Variants in CTNNA3 observed in about 807,000 individuals in gnomAD.
CTNNA3 encodes the protein catenin alpha 3.
CTNNA3 carries 76 observed loss-of-function variants against 95.7 expected under a neutral mutation model. The observed-to-expected ratio is 0.79, with a 90% confidence interval of 0.66 to 0.96. CTNNA3 has a LOEUF of 0.96. Among genes scored for constraint, CTNNA3 ranks in the 40% least tolerant of loss-of-function variants. The pLI is 0.00. For missense variants in CTNNA3, 1,191 were observed against 1,089.8 expected (o/e 1.09, Z -1.31); for synonymous variants, 431 against 374.4 (o/e 1.15, Z -1.74).
intron 7 of CTNNA3, among the ~76,000 whole-genome samples, chr10:67,116,556 G>A (rs12269143): frequency 0.41 from 62,233 of 150,920 alleles, 13,075 homozygotes; most frequent in Middle Eastern, 0.61. Flanking sequence ...TCAGATATCT[G>A]TGAGGGAGTT....
At chr10:67,197,223 G>T (rs1863416492) in intron 6 of CTNNA3, among the ~76,000 whole-genome samples, 1 of 151,958 alleles carries the variant, frequency 6.6e-6, no homozygotes. Context: ...TCATTTCCGA[G>T]GTTTATGTCA....
chr10:67,334,154 T>C (rs1904627), intron 5 of CTNNA3: 113,326 of 153,128 alleles, frequency 0.74, 44,955 homozygotes, highest in Non-Finnish European at 0.88. Context: ...GAGAAGGTGG[T>C]TCTAGTCCCT....
At chr10:66,979,894 T>C (rs1187244990) in intron 7 of CTNNA3, among the ~76,000 whole-genome samples, 2 of 152,150 alleles carry the variant, frequency 1.3e-5, no homozygotes, top group African/African-American at 2.4e-5. Flanking sequence ...AAAAAGCCTG[T>C]TTTTGTATTT....
intron 5 of CTNNA3, among the ~76,000 whole-genome samples, chr10:67,421,664 C>T (rs548739530): frequency 6.6e-6 from 1 of 152,236 alleles, no homozygotes; most frequent in East Asian, 1.9e-4. Flanking sequence ...TCTTAGATTT[C>T]TTACAAATTT....
At chr10:66,814,333 G>C (rs1841998347) in intron 7 of CTNNA3, among the ~76,000 whole-genome samples, 1 of 151,262 alleles carries the variant, frequency 6.6e-6, no homozygotes, top group Non-Finnish European at 1.5e-5. Context: ...TAGAGACTGA[G>C]AATGAAAGAA....
At chr10:65,958,443 C>T (rs993147600) in intron 17 of CTNNA3, among the ~76,000 whole-genome samples, 21 of 152,168 alleles carry the variant, frequency 1.4e-4, no homozygotes, top group Admixed American at 4.6e-4. Flanking sequence ...TGAGGCGCTG[C>T]GTTCCTTTGT....
intron 11 of CTNNA3, among the ~76,000 whole-genome samples, chr10:66,492,435 C>T (rs1839955413): frequency 1.4e-5 from 2 of 146,556 alleles, no homozygotes; most frequent in Admixed American, 1.4e-4. Flanking sequence ...AGGCGCACGC[C>T]ACAAGGCCCA....
intron 7 of CTNNA3, among the ~76,000 whole-genome samples, chr10:67,091,991 A>G (rs985600162): frequency 2.0e-5 from 3 of 152,018 alleles, no homozygotes; most frequent in South Asian, 2.1e-4. Flanking sequence ...AATAAACTCA[A>G]CTGAAAACCC....
chr10:66,157,702 A>G (rs749336369), intron 13 of CTNNA3, among the ~76,000 whole-genome samples: 12 of 151,920 alleles, frequency 7.9e-5, no homozygotes, highest in Admixed American at 2.0e-4. Context: ...AGATTACTAG[A>G]TCAAATGGAA....
intron 9 of CTNNA3, among the ~76,000 whole-genome samples, chr10:66,624,084 A>C (rs1355294011): frequency 6.6e-6 from 1 of 152,170 alleles, no homozygotes; most frequent in African/African-American, 2.4e-5. Context: ...AATGTGGGCA[A>C]AGCTTTGTTG....
At chr10:65,952,029 C>CA (rs55842958) in intron 17 of CTNNA3, among the ~76,000 whole-genome samples, 37,067 of 99,712 alleles carry the variant, frequency 0.37, 7,159 homozygotes, top group East Asian at 0.48. Flanking sequence ...GGCTCCGCCT[C>CA]AAAAAAAAAA....
At chr10:66,423,850 G>A (rs894761438) in intron 11 of CTNNA3, among the ~76,000 whole-genome samples, 2 of 152,128 alleles carry the variant, frequency 1.3e-5, no homozygotes, top group African/African-American at 2.4e-5. Flanking sequence ...GCTGCTTTTT[G>A]TGTTTCTTTC....
chr10:67,752,445 A>G (rs1841412499), intron 1 of CTNNA3, among the ~76,000 whole-genome samples: 1 of 151,950 alleles, frequency 6.6e-6, no homozygotes, highest in East Asian at 1.9e-4. Flanking sequence ...CTTTCTCACC[A>G]CTCCTATTCA....
At chr10:67,290,661 C>T (rs1839800275) in intron 5 of CTNNA3, among the ~76,000 whole-genome samples, 1 of 152,134 alleles carries the variant, frequency 6.6e-6, no homozygotes, top group Non-Finnish European at 1.5e-5. Context: ...GGTTACATCA[C>T]TAGCAGGATA....
chr10:65,950,157 A>AAC (rs377580361), intron 17 of CTNNA3, among the ~76,000 whole-genome samples: 19,633 of 150,276 alleles, frequency 0.13, 1,429 homozygotes, highest in Middle Eastern at 0.22. Flanking sequence ...TTTGCTAGGG[A>AAC]ACACACACAC....
At chr10:67,025,160 GGAAGGAAGGAAGGAAA>G (rs1304421701) in intron 7 of CTNNA3, among the ~76,000 whole-genome samples, 1 of 147,638 alleles carries the variant, frequency 6.8e-6, no homozygotes, top group East Asian at 2.0e-4. Flanking sequence ...AAGAAAGGAA[GGAAGGAAGGAAGGAAA>G]GAAAGAAAAG....
intron 7 of CTNNA3, among the ~76,000 whole-genome samples, chr10:67,154,897 T>G (rs1183781917): frequency 6.6e-6 from 1 of 152,204 alleles, no homozygotes; most frequent in Non-Finnish European, 1.5e-5. Context: ...CTGTTATCTT[T>G]TTAGGAATGT....
chr10:67,498,146 T>C (rs773581561), intron 5 of CTNNA3, among the ~76,000 whole-genome samples: 2 of 152,254 alleles, frequency 1.3e-5, no homozygotes, highest in Non-Finnish European at 2.9e-5. Flanking sequence ...TTCAGTTTTA[T>C]GCATATGGCT....
At chr10:67,417,573 A>G (rs1295926526) in intron 5 of CTNNA3, among the ~76,000 whole-genome samples, 1 of 152,172 alleles carries the variant, frequency 6.6e-6, no homozygotes, top group African/African-American at 2.4e-5. Context: ...ATTTTATTCA[A>G]TAAAACAAAA....
Sources: gnomAD v4.1 joint callset for allele counts (sites outside exome capture counted in the v4.1 genomes callset) on GRCh38, gnomAD v4.1.1 for gene constraint, MANE v1.5 for transcripts, NCBI Gene and HGNC (gene_info 2026-07-23, HGNC 2026-07-21) for gene names.